KIRREL3: variants seen among roughly 807,000 people sequenced by gnomAD.
KIRREL3 encodes kin of IRRE-like protein 3.
Under a neutral mutation model 89.7 loss-of-function variants are expected in KIRREL3, and 36 were observed. The ratio of observed to expected loss-of-function variants is 0.40; its 90% confidence interval spans 0.31 to 0.53. KIRREL3 has a LOEUF of 0.53. Ranked by LOEUF, KIRREL3 falls within the 20% of genes least tolerant of loss-of-function variation. The pLI, the probability that KIRREL3 is intolerant of heterozygous loss-of-function variation, is 0.49. For synonymous variants in KIRREL3, 445 were observed against 441.4 expected (o/e 1.01, Z -0.10); for missense variants, 864 against 1,056.6 (o/e 0.82, Z 2.53).
Position 126,921,600 on chromosome 11 carries a change from A to G in KIRREL3, c.55+78855T>C, listed in dbSNP as rs1436672802. On this transcript the variant is annotated intron_variant, in intron 1 of 16. Coordinates refer to ENST00000525144, the MANE Select transcript of KIRREL3 (RefSeq NM_032531.4). ...CTGTCTTCTATCTATCTATCTATCT[A>G]TCTATCTATCTATCTATCTATCTTC... is the stretch of plus-strand genomic sequence containing the variant. Among the ~76,000 whole-genome samples the G allele has an allele frequency of 5.2e-4, 20 of 38,518 alleles. 3 individuals are homozygous for G. The African/African-American group carries it at 5.5e-3, about 11-fold the overall frequency. 25.3% of individuals were successfully genotyped at this position (38,518 alleles called of 152,430 possible).
intron 1 of KIRREL3, among the ~76,000 whole-genome samples, chr11:126,806,089 A>G (rs7951430): frequency 0.27 from 40,761 of 152,090 alleles, 5,477 homozygotes; most frequent in Admixed American, 0.31. Context: ...TTGAATCCCA[A>G]TTTGAGTTTA....
rs201246349 is a variant in KIRREL3 at position 126,697,261 on chromosome 11, G to A, written c.56-134349C>T. ...GGAGATGACAGGACTACAAGAAGGC[G>A]GGACTTCCTCTATTGCCCTAGGCCC... On this transcript the variant is annotated intron_variant, in intron 1 of 16. Coordinates refer to ENST00000525144, the MANE Select transcript of KIRREL3 (RefSeq NM_032531.4). The surrounding 1 kb of genome is among the most constrained non-coding windows in gnomAD (Gnocchi z 4.2). Among the ~76,000 whole-genome samples the A allele has an allele frequency of 2.6e-5, 4 of 152,224 alleles. No individual in the cohort carries two copies. Among genetic ancestry groups the A allele is most frequent in the South Asian group, 2.1e-4 (1 of 4,834 alleles).
In KIRREL3 at chr11:126,773,901, G is replaced by C. The variant is rs1353887270; in HGVS notation, c.56-210989C>G. 6.6e-6 allele frequency among the ~76,000 whole-genome samples: 1 copy of C among 152,200 alleles called. No homozygotes were observed. The highest frequency in any genetic ancestry group is 1.5e-5 in the Non-Finnish European group (1 of 68,044). ...AAACAGCAGAACACACCCCAGGGAG[G>C]TGAGGAGGTTGTGCACTTGTCCACT... On this transcript the variant is annotated intron_variant, in intron 1 of 16. Coordinates refer to ENST00000525144, the MANE Select transcript of KIRREL3 (RefSeq NM_032531.4). The surrounding 1 kb of genome is among the most constrained non-coding windows in gnomAD (Gnocchi z 4.2).
In KIRREL3 at chr11:126,636,179, C is replaced by A. The variant is rs989390791; in HGVS notation, c.56-73267G>T. On this transcript the variant is annotated intron_variant, in intron 1 of 16. Coordinates refer to ENST00000525144, the MANE Select transcript of KIRREL3 (RefSeq NM_032531.4). The surrounding 1 kb of genome is among the most constrained non-coding windows in gnomAD (Gnocchi z 4.4). Reference sequence around the variant, plus strand: ...AAAATGGGAAGGGTAATAGCACTATCCTTAGCATTATAAAATAATGGATAC... The same window carrying A: ...AAAATGGGAAGGGTAATAGCACTATACTTAGCATTATAAAATAATGGATAC... 6.6e-6 allele frequency among the ~76,000 whole-genome samples: 1 copy of A among 152,182 alleles called. No homozygotes were observed. The highest frequency in any genetic ancestry group is 1.5e-5 in the Non-Finnish European group (1 of 68,036).
chr11:126,695,975 C>T (rs1048134091), intron 1 of KIRREL3, among the ~76,000 whole-genome samples: 6 of 152,100 alleles, frequency 3.9e-5, no homozygotes, highest in Non-Finnish European at 5.9e-5. Context: ...CTGGATGAGT[C>T]GGGCGAGGTG....
Position 126,795,706 on chromosome 11 carries a change from C to T in KIRREL3, c.55+204749G>A, listed in dbSNP as rs1472485328. Among the ~76,000 whole-genome samples the T allele has an allele frequency of 1.3e-5, 2 of 152,130 alleles. No homozygotes were observed. The highest frequency in any genetic ancestry group is 2.4e-5 in the African/African-American group (1 of 41,404). On this transcript the variant is annotated intron_variant, in intron 1 of 16. Transcript: ENST00000525144. The surrounding 1 kb of genome is among the most constrained non-coding windows in gnomAD (Gnocchi z 4.1). Reference sequence around the variant, plus strand: ...GCCAGAAATATGTAGAAATTATTTGCACTTTCTGTTCAATATTTCTGTAAA... The same window carrying T: ...GCCAGAAATATGTAGAAATTATTTGTACTTTCTGTTCAATATTTCTGTAAA...
chr11:126,729,744 T>C lies in KIRREL3; in HGVS notation c.56-166832A>G, dbSNP rs529689305. 8.0e-4 allele frequency among the ~76,000 whole-genome samples: 122 copies of C among 152,330 alleles called. No homozygotes were observed. The highest frequency in any genetic ancestry group is 1.4e-3 in the Non-Finnish European group (92 of 68,026). On this transcript the variant is annotated intron_variant, in intron 1 of 16. Transcript: ENST00000525144. This position sits in a 1 kb window ranked among gnomAD's most constrained non-coding sequence, Gnocchi z 4.5. Reference sequence around the variant, plus strand: ...AAGCTCACAGCTCAGGGTCCCCTGCTATTTTATGAGCTTGGGAGGTTTCTG... The same window carrying C: ...AAGCTCACAGCTCAGGGTCCCCTGCCATTTTATGAGCTTGGGAGGTTTCTG...
chr11:126,916,227 A>G (rs963823022), intron 1 of KIRREL3, among the ~76,000 whole-genome samples: 19 of 152,158 alleles, frequency 1.2e-4, no homozygotes, highest in Non-Finnish European at 2.4e-4. Context: ...GTAAAACTGG[A>G]GTAGGTTTCA....
intron 1 of KIRREL3, among the ~76,000 whole-genome samples, chr11:126,581,743 T>C (rs1333643546): frequency 6.6e-6 from 1 of 152,176 alleles, no homozygotes; most frequent in South Asian, 2.1e-4. Context: ...GTAATCACCA[T>C]GTCCTGTAAT....
chr11:126,678,400 A>C (rs1946294061), intron 1 of KIRREL3, among the ~76,000 whole-genome samples: 1 of 151,976 alleles, frequency 6.6e-6, no homozygotes, highest in Non-Finnish European at 1.5e-5. Flanking sequence ...GGAGATTGAG[A>C]CCACCCTGGC....
At chr11:126,839,759 G>A (rs949281424) in intron 1 of KIRREL3, among the ~76,000 whole-genome samples, 4 of 152,076 alleles carry the variant, frequency 2.6e-5, no homozygotes, top group African/African-American at 7.2e-5. Flanking sequence ...TGCATGCTTC[G>A]GTAATGTTTT....
rs529343779 is a variant in KIRREL3, at chr11:126,724,589, A to T, written c.56-161677T>A. On this transcript the variant is annotated intron_variant, in intron 1 of 16. Coordinates refer to ENST00000525144, the MANE Select transcript of KIRREL3 (RefSeq NM_032531.4). This position sits in a 1 kb window ranked among gnomAD's most constrained non-coding sequence, Gnocchi z 4.3. ...ACGTTTCTGTCCCCAAGGGATGAAG[A>T]AGTTTCTTCAGCTGCTCTGTAGATA... 6.6e-6 allele frequency among the ~76,000 whole-genome samples: 1 copy of T among 152,192 alleles called. No homozygotes were observed. Among genetic ancestry groups the T allele is most frequent in the South Asian group, 2.1e-4 (1 of 4,832 alleles).
Position 126,904,713 on chromosome 11 carries a change from G to T in KIRREL3, c.55+95742C>A, listed in dbSNP as rs1946505595. On this transcript the variant is annotated intron_variant, in intron 1 of 16. Coordinates refer to ENST00000525144, the MANE Select transcript of KIRREL3 (RefSeq NM_032531.4). The surrounding 1 kb of genome is among the most constrained non-coding windows in gnomAD (Gnocchi z 4.4). ...TATAGCTTGGGGGTAGGGGGTCAAA[G>T]GAGGAAGTATGCATAATGTACATAT... Among the ~76,000 whole-genome samples, 1 of 152,144 alleles carries T rather than the reference G, an allele frequency of 6.6e-6. No individual in the cohort carries two copies. Among genetic ancestry groups the T allele is most frequent in the Admixed American group, 6.5e-5 (1 of 15,280 alleles).
At position 126,611,171 on chromosome 11, in the gene KIRREL3, G is replaced by A. The variant is rs1394247031; in HGVS notation, c.56-48259C>T. 2.6e-5 allele frequency among the ~76,000 whole-genome samples: 4 copies of A among 152,188 alleles called. No individual in the cohort carries two copies. Among genetic ancestry groups the A allele is most frequent in the Non-Finnish European group, 5.9e-5 (4 of 68,032 alleles). Reference sequence around the variant, plus strand: ...AGACCTAATCTGGGAGGTGGGAATAGTCATAGAAAAAGGATCGTGGGGAAA... The same window carrying A: ...AGACCTAATCTGGGAGGTGGGAATAATCATAGAAAAAGGATCGTGGGGAAA... On this transcript the variant is annotated intron_variant, in intron 1 of 16. Transcript: ENST00000525144. This position sits in a 1 kb window ranked among gnomAD's most constrained non-coding sequence, Gnocchi z 4.7.
intron 1 of KIRREL3, among the ~76,000 whole-genome samples, chr11:126,701,936 A>G (rs1947329092): frequency 6.6e-6 from 1 of 152,204 alleles, no homozygotes; most frequent in African/African-American, 2.4e-5. Context: ...ATGTGTCATT[A>G]ACTTGCTGTG....
intron 4 of KIRREL3, among the ~76,000 whole-genome samples, chr11:126,510,885 G>A (rs559417727): frequency 6.6e-6 from 1 of 152,190 alleles, no homozygotes; most frequent in East Asian, 1.9e-4. Context: ...TCTCTCTGCT[G>A]TTGCTCCTCT....
chr11:126,695,831 C>T (rs553906195), intron 1 of KIRREL3, among the ~76,000 whole-genome samples: 3 of 152,240 alleles, frequency 2.0e-5, no homozygotes, highest in South Asian at 2.1e-4. Context: ...TGATGGCCAG[C>T]GTAGAGCCAC....
In KIRREL3 at chr11:126,883,862, T is replaced by G. The variant is rs540450790; in HGVS notation, c.55+116593A>C. ...ATCCTATATTACCCAGAATCAAAAT[T>G]GGAATGGAGAGGTGGAGACATAGGT... On this transcript the variant is annotated intron_variant, in intron 1 of 16. Coordinates refer to ENST00000525144, the MANE Select transcript of KIRREL3 (RefSeq NM_032531.4). The surrounding 1 kb of genome is among the most constrained non-coding windows in gnomAD (Gnocchi z 4.1). 1.3e-5 allele frequency among the ~76,000 whole-genome samples: 2 copies of G among 152,212 alleles called. No individual in the cohort carries two copies. Among genetic ancestry groups the G allele is most frequent in the East Asian group, 3.9e-4 (2 of 5,172 alleles).
At chr11:126,922,369 C>T (rs1486681741) in intron 1 of KIRREL3, among the ~76,000 whole-genome samples, 1 of 152,120 alleles carries the variant, frequency 6.6e-6, no homozygotes. Flanking sequence ...ACTGCATCTC[C>T]TCACCCCTAC....
Sources: allele counts gnomAD v4.1 joint callset (sites outside exome capture counted in the v4.1 genomes callset), GRCh38; gene constraint gnomAD v4.1.1; non-coding constraint Gnocchi (gnomAD v3.1); transcripts MANE v1.5; gene names NCBI Gene and HGNC (gene_info 2026-07-23, HGNC 2026-07-21).